TFEC: variants seen among roughly 807,000 people sequenced by gnomAD.
TFEC encodes transcription factor EC.
TFEC carries 31 observed loss-of-function variants against 41.6 expected under a neutral mutation model. That is an observed-to-expected ratio of 0.74 (90% CI 0.56 to 1.01). TFEC has a LOEUF of 1.01. TFEC is among the 50% of genes least tolerant of loss of function. The pLI, the probability that TFEC is intolerant of heterozygous loss-of-function variation, is 0.00. For synonymous variants in TFEC, 143 were observed against 140.6 expected (o/e 1.02, Z -0.12); for missense variants, 402 against 404.1 (o/e 0.99, Z 0.04).
intron 3 of TFEC, among the ~76,000 whole-genome samples, chr7:116,076,208 T>A (rs549570737): frequency 6.6e-6 from 1 of 152,218 alleles, no homozygotes; most frequent in East Asian, 1.9e-4. Context: ...AGAAGCCCCA[T>A]TCCTAGGGGA....
chr7:115,987,142 T>TA (rs1793895738), intron 1 of TFEC, among the ~76,000 whole-genome samples: 1 of 152,202 alleles, frequency 6.6e-6, no homozygotes, highest in Non-Finnish European at 1.5e-5. Context: ...TGTGAGGAAT[T>TA]ACAAAAGTTT....
chr7:116,072,302 T>C (rs1027186848), intron 3 of TFEC, among the ~76,000 whole-genome samples: 2 of 151,640 alleles, frequency 1.3e-5, no homozygotes, highest in Non-Finnish European at 1.5e-5. Flanking sequence ...GAATATTAAG[T>C]AGAATAGTAA....
At chr7:115,956,527 T>G (rs1218784695) in intron 4 of TFEC, 152 bp downstream of exon 4, 1 of 504,000 alleles carries the variant, frequency 2.0e-6, no homozygotes, top group Non-Finnish European at 3.5e-6. Flanking sequence ...ACTGCTTGAT[T>G]ATCATAAAAA....
chr7:115,939,047 T>C lies in TFEC; in HGVS notation c.*1504A>G, dbSNP rs1191760634. On this transcript the variant is annotated 3_prime_UTR_variant, in exon 8 of 8. Transcript: ENST00000265440. ...TGCCTTTCAAAGAGAAGTCAAATTCTGCTGTTCCCATAAAGTTTGTCAGTC... is the reference window on the plus strand; with the variant it reads ...TGCCTTTCAAAGAGAAGTCAAATTCCGCTGTTCCCATAAAGTTTGTCAGTC... 1 of 152,062 alleles carries C rather than the reference T, an allele frequency of 6.6e-6. No homozygotes were observed. The highest frequency in any genetic ancestry group is 1.5e-5 in the Non-Finnish European group (1 of 67,958). 9.4% of individuals were successfully genotyped at this position (152,062 alleles called of 1,614,324 possible).
At chr7:116,089,910 G>A (rs541237036) in intron 3 of TFEC, among the ~76,000 whole-genome samples, 7 of 152,194 alleles carry the variant, frequency 4.6e-5, no homozygotes, top group African/African-American at 1.4e-4. Flanking sequence ...CTTCCCTTCT[G>A]TCCAAAGGCC....
chr7:116,119,904 A>G (rs563111978), intron 1 of TFEC, among the ~76,000 whole-genome samples: 1 of 151,868 alleles, frequency 6.6e-6, no homozygotes, highest in South Asian at 2.1e-4. Context: ...ATACATCCAT[A>G]TAAAGTCATG....
chr7:116,033,147 A>AT (rs1795828149), upstream of TFEC, among the ~76,000 whole-genome samples: 1 of 147,592 alleles, frequency 6.8e-6, no homozygotes, highest in African/African-American at 2.5e-5. Context: ...AAAAAAAAAA[A>AT]TCTTTGTTTC....
chr7:115,963,607 C>T (rs969096721), intron 3 of TFEC, among the ~76,000 whole-genome samples: 1 of 151,700 alleles, frequency 6.6e-6, no homozygotes, highest in Non-Finnish European at 1.5e-5. Context: ...CTGATGAATG[C>T]TGCAACATGG....
rs1793304719 is a variant in TFEC, at chr7:115,937,841, G to C, written c.*2710C>G. On this transcript the variant is annotated 3_prime_UTR_variant, in exon 8 of 8. Transcript: ENST00000265440. ...CAGGAGATCCCTAAGATCTCTGAAT[G>C]CATGTGAATTATTGTCCATATAAAC... is the stretch of plus-strand genomic sequence containing the variant. 1 of 151,730 alleles carries C rather than the reference G, an allele frequency of 6.6e-6. No homozygotes were observed. Among genetic ancestry groups the C allele is most frequent in the African/African-American group, 2.4e-5 (1 of 41,370 alleles). 9.4% of individuals were successfully genotyped at this position (151,730 alleles called of 1,614,324 possible). A position where few individuals can be genotyped will look rare whatever the true frequency, so the allele number is the denominator to read the frequency against.
intron 3 of TFEC, among the ~76,000 whole-genome samples, chr7:116,102,542 G>A (rs901280384): frequency 6.6e-6 from 1 of 152,172 alleles, no homozygotes; most frequent in African/African-American, 2.4e-5. Context: ...AACAATAAAG[G>A]AAGGAGGATA....
rs145619393 is a variant in TFEC, at chr7:115,982,138, T to C, written c.180+2124A>G. Among the ~76,000 whole-genome samples the C allele has an allele frequency of 1.6e-3, 239 of 152,128 alleles. 1 individual carries two copies. Among genetic ancestry groups the C allele is most frequent in the African/African-American group, 5.4e-3 (224 of 41,522 alleles). ...GTTCTCAGACTTATCCTGTGGTAGCTATGATTTCTGGGGTCTTCTTTGAAT... is the reference window on the plus strand; with the variant it reads ...GTTCTCAGACTTATCCTGTGGTAGCCATGATTTCTGGGGTCTTCTTTGAAT... On this transcript the variant is annotated intron_variant, in intron 2 of 7. Coordinates refer to ENST00000265440, the MANE Select transcript of TFEC (RefSeq NM_012252.4).
intron 3 of TFEC, chr7:116,110,681 C>A (rs562504995): frequency 2.4e-6 from 3 of 1,268,214 alleles, no homozygotes; most frequent in South Asian, 5.4e-5. Flanking sequence ...TTAGAAATTA[C>A]GGCTGTATAT....
intron 3 of TFEC, among the ~76,000 whole-genome samples, chr7:116,061,134 G>C (rs1410221274): frequency 6.6e-6 from 1 of 152,058 alleles, no homozygotes; most frequent in Non-Finnish European, 1.5e-5. Flanking sequence ...AATTTATATG[G>C]AAATGGAAAA....
At chr7:116,024,300 G>A (rs982985535) in intron 1 of TFEC, among the ~76,000 whole-genome samples, 4 of 151,924 alleles carry the variant, frequency 2.6e-5, no homozygotes, top group Admixed American at 2.0e-4. Context: ...ATGGAGAGGC[G>A]AGGTTGTTCA....
chr7:115,993,553 T>C (rs1043186428), intron 1 of TFEC, among the ~76,000 whole-genome samples: 9 of 152,190 alleles, frequency 5.9e-5, no homozygotes, highest in African/African-American at 1.4e-4. Flanking sequence ...AGCATTCTTA[T>C]AAACCAATAA....
chr7:115,944,834 CTT>C (rs1791443999), intron 6 of TFEC, among the ~76,000 whole-genome samples: 1 of 151,434 alleles, frequency 6.6e-6, no homozygotes, highest in South Asian at 2.2e-4. Context: ...TTGGCACACT[CTT>C]AGTAAATAAA....
chr7:116,144,755 G>C (rs969169751), intron 1 of TFEC, among the ~76,000 whole-genome samples: 1 of 152,196 alleles, frequency 6.6e-6, no homozygotes. Flanking sequence ...TAAAGACTAA[G>C]ATTTCCAGAA....
At chr7:116,079,031 A>T (rs749020942) in intron 3 of TFEC, among the ~76,000 whole-genome samples, 1 of 152,130 alleles carries the variant, frequency 6.6e-6, no homozygotes, top group Non-Finnish European at 1.5e-5. Flanking sequence ...TAACATATCC[A>T]AGTCAATAAA....
intron 3 of TFEC, among the ~76,000 whole-genome samples, chr7:116,067,471 T>C (rs989968211): frequency 3.9e-5 from 6 of 151,976 alleles, no homozygotes; most frequent in Non-Finnish European, 8.8e-5. Context: ...AAACCTGTAA[T>C]CAATCAACCG....
Sources: allele counts gnomAD v4.1 joint callset (sites outside exome capture counted in the v4.1 genomes callset), GRCh38; gene constraint gnomAD v4.1.1; transcripts MANE v1.5; gene names NCBI Gene and HGNC (gene_info 2026-07-23, HGNC 2026-07-21).